Variants in DOCK3 observed in about 807,000 individuals in gnomAD.
DOCK3 encodes the protein dedicator of cytokinesis protein 3.
A neutral mutation model predicts 265.6 loss-of-function variants in DOCK3; 60 were observed. That is an observed-to-expected ratio of 0.23 (90% CI 0.18 to 0.28). DOCK3 has a LOEUF of 0.28. DOCK3 is among the 10% of genes least tolerant of loss of function. The pLI, the probability that DOCK3 is intolerant of heterozygous loss-of-function variation, is 1.00. For synonymous variants in DOCK3, 881 were observed against 938.0 expected (o/e 0.94, Z 1.11); for missense variants, 1,981 against 2,594.3 (o/e 0.76, Z 5.14).
intron 1 of DOCK3, among the ~76,000 whole-genome samples, chr3:50,688,024 TTTTA>T (rs1404792824): frequency 6.6e-6 from 1 of 152,192 alleles, no homozygotes; most frequent in Non-Finnish European, 1.5e-5. Context: ...TCTTCTGCTA[TTTTA>T]TTTATTTGTC....
At chr3:51,268,313 G>C (rs1470272578) in intron 23 of DOCK3, among the ~76,000 whole-genome samples, 2 of 152,140 alleles carry the variant, frequency 1.3e-5, no homozygotes, top group African/African-American at 2.4e-5. Flanking sequence ...GGGCAACAGA[G>C]TGAAACTCTG....
At chr3:50,741,996 G>T (rs1407538209) in intron 1 of DOCK3, among the ~76,000 whole-genome samples, 1 of 152,078 alleles carries the variant, frequency 6.6e-6, no homozygotes, top group African/African-American at 2.4e-5. Context: ...ATCTCATTGT[G>T]GTTTTGATTT....
At chr3:51,284,311 T>C (rs2081294699) in intron 27 of DOCK3, among the ~76,000 whole-genome samples, 1 of 152,130 alleles carries the variant, frequency 6.6e-6, no homozygotes, top group Non-Finnish European at 1.5e-5. Context: ...CCAGGATCAG[T>C]GCAGAAAAGT....
chr3:51,026,262 T>C (rs1183222062), intron 5 of DOCK3, among the ~76,000 whole-genome samples: 1 of 152,198 alleles, frequency 6.6e-6, no homozygotes, highest in Admixed American at 6.6e-5. Context: ...TTTAGTTCCA[T>C]TGATGTGGTG....
chr3:50,691,004 C>T (rs1185871422), intron 1 of DOCK3, among the ~76,000 whole-genome samples: 1 of 151,554 alleles, frequency 6.6e-6, no homozygotes, highest in Non-Finnish European at 1.5e-5. Flanking sequence ...ATCATATGGC[C>T]GGGCGCGGTG....
Position 51,225,645 on chromosome 3 carries a change from GC to G in DOCK3, c.1253-3del. ...ATAAGGATGTGGCATTTCTTTCCCC[GC>G]AGGTGATATCCGCAATGACCTGTAC... On this transcript the variant is annotated splice_region_variant and splice_polypyrimidine_tract_variant and intron_variant, in intron 14 of 52. Coordinates refer to ENST00000266037, the MANE Select transcript of DOCK3 (RefSeq NM_004947.5). 2 of 1,608,436 alleles carry G rather than the reference GC, an allele frequency of 1.2e-6. No homozygotes were observed. Among genetic ancestry groups the G allele is most frequent in the Non-Finnish European group, 1.7e-6 (2 of 1,177,490 alleles).
intron 10 of DOCK3, among the ~76,000 whole-genome samples, chr3:51,155,935 C>G (rs1054399301): frequency 6.6e-6 from 1 of 152,118 alleles, no homozygotes; most frequent in African/African-American, 2.4e-5. Context: ...TGTTTATTTG[C>G]TGTCATATTT....
At chr3:50,830,990 C>A (rs1233931861) in intron 2 of DOCK3, among the ~76,000 whole-genome samples, 1 of 151,812 alleles carries the variant, frequency 6.6e-6, no homozygotes, top group African/African-American at 2.4e-5. Context: ...AGGGTTCCTC[C>A]CCTTTTTAAA....
At chr3:51,220,477 T>G (rs2090019455) in intron 14 of DOCK3, among the ~76,000 whole-genome samples, 1 of 151,606 alleles carries the variant, frequency 6.6e-6, no homozygotes, top group African/African-American at 2.4e-5. Context: ...GCCAACATGG[T>G]GAAACCCCAT....
At chr3:51,362,728 G>T in intron 49 of DOCK3, 54 bp downstream of exon 49, 1 of 1,585,176 alleles carries the variant, frequency 6.3e-7, no homozygotes. Context: ...CTTCATCAAC[G>T]CCACTCGGCT....
chr3:50,783,899 G>A (rs1429105614), intron 2 of DOCK3, among the ~76,000 whole-genome samples: 9 of 144,828 alleles, frequency 6.2e-5, no homozygotes, highest in African/African-American at 1.3e-4. Context: ...ATGGAGTCTC[G>A]CTCTGTTTTC....
At chr3:50,911,276 G>A (rs34006781) in intron 4 of DOCK3, among the ~76,000 whole-genome samples, 14,364 of 152,006 alleles carry the variant, frequency 0.094, 848 homozygotes, top group Non-Finnish European at 0.12. Context: ...TCTTCTAGTG[G>A]TATCATAGTT....
intron 24 of DOCK3, among the ~76,000 whole-genome samples, chr3:51,274,038 C>T (rs895961167): frequency 4.6e-5 from 7 of 152,108 alleles, no homozygotes; most frequent in Non-Finnish European, 4.4e-5. Flanking sequence ...GGTCTCAGAA[C>T]GGGTTAATAA....
intron 3 of DOCK3, among the ~76,000 whole-genome samples, chr3:50,877,992 G>A (rs1163821201): frequency 6.6e-6 from 1 of 152,126 alleles, no homozygotes; most frequent in African/African-American, 2.4e-5. Flanking sequence ...GCCTCCGCTG[G>A]TGATACCCAG....
At chr3:51,332,551 G>A (rs2084592146) in intron 33 of DOCK3, among the ~76,000 whole-genome samples, 1 of 152,246 alleles carries the variant, frequency 6.6e-6, no homozygotes, top group African/African-American at 2.4e-5. Context: ...TGAAGATGAT[G>A]GGTTTAAGCT....
intron 31 of DOCK3, among the ~76,000 whole-genome samples, chr3:51,314,638 A>G (rs1196094501): frequency 6.6e-6 from 1 of 152,200 alleles, no homozygotes; most frequent in Non-Finnish European, 1.5e-5. Context: ...CTGTGAATAG[A>G]CCATCTGACA....
chr3:50,857,723 A>G (rs184713577), intron 3 of DOCK3, among the ~76,000 whole-genome samples: 231 of 152,350 alleles, frequency 1.5e-3, no homozygotes, highest in African/African-American at 5.3e-3. Context: ...CAAAACCACA[A>G]TGAGATACCA....
chr3:50,944,046 T>G (rs759765910), intron 5 of DOCK3, among the ~76,000 whole-genome samples: 4 of 152,232 alleles, frequency 2.6e-5, no homozygotes, highest in Non-Finnish European at 5.9e-5. Context: ...GCATAATTGA[T>G]CTCTATTTGC....
chr3:50,967,226 G>C (rs145170872), intron 5 of DOCK3, among the ~76,000 whole-genome samples: 227 of 152,180 alleles, frequency 1.5e-3, no homozygotes, highest in Non-Finnish European at 1.9e-3. Context: ...GCCTCCATGA[G>C]ATCCACTTTT....
Sources: gnomAD v4.1 joint callset for allele counts (sites outside exome capture counted in the v4.1 genomes callset) on GRCh38, gnomAD v4.1.1 for gene constraint, MANE v1.5 for transcripts, NCBI Gene and HGNC (gene_info 2026-07-23, HGNC 2026-07-21) for gene names.